The following GRTP1 variants were observed in gnomAD, a reference collection of about 807,000 sequenced individuals.
GRTP1 encodes growth hormone regulated TBC protein 1.
GRTP1 carries 56 observed loss-of-function variants against 38.1 expected under a neutral mutation model. The observed-to-expected ratio is 1.47, with a 90% CI of 1.19 to 1.84. The LOEUF is 1.84. Among genes scored for constraint, GRTP1 ranks in the 40% most tolerant of loss-of-function variants. The pLI is 0.00. For synonymous variants in GRTP1, 217 were observed against 189.5 expected (o/e 1.14, Z -1.19); for missense variants, 506 against 453.9 (o/e 1.11, Z -1.04).
In GRTP1 at chr13:113,353,497, C is replaced by A. The variant is rs115573668; in HGVS notation, c.340+1826G>T. ...CTGAGGACTGAGGCGAGGGAAAGGA[C>A]CCCAGCTGCAGAGGACGCAGCCCAC... On this transcript the variant is annotated intron_variant, in intron 3 of 7. Transcript: ENST00000375431. Among the ~76,000 whole-genome samples, 1,067 of 152,320 alleles carry A rather than the reference C, an allele frequency of 7.0e-3. 20 individuals are homozygous for A. The highest frequency in any genetic ancestry group is 0.025 in the African/African-American group (1,026 of 41,556).
chr13:113,357,034 G>A (rs747193530), intron 2 of GRTP1, among the ~76,000 whole-genome samples: 2 of 152,270 alleles, frequency 1.3e-5, no homozygotes, highest in East Asian at 1.9e-4. Context: ...CTTAAGGGCC[G>A]GGCGCAGTGG....
intron 2 of GRTP1, chr13:113,359,563 G>T (rs550620728): frequency 6.6e-6 from 1 of 152,198 alleles, no homozygotes; most frequent in Non-Finnish European, 1.5e-5. Context: ...GACAGAGCAA[G>T]ACCCTGTCTC....
Position 113,364,074 on chromosome 13 carries a change from A to G in GRTP1, c.-23T>C. 3.2e-6 allele frequency: 4 copies of G among 1,246,114 alleles called. No homozygotes were observed. The highest frequency in any genetic ancestry group is 3.7e-5 in the South Asian group (1 of 26,712). The allele number at this position is 1,246,114 out of a possible 1,614,324, so 77.2% of individuals were successfully genotyped here. ...CATGCGGGGAGGGAGGCGCGCACCG[A>G]GCGAGGCCAGCGGGTCCCAAGTTCG... On this transcript the variant is annotated 5_prime_UTR_variant, in exon 1 of 8. Coordinates refer to ENST00000375431, the MANE Select transcript of GRTP1 (RefSeq NM_024719.4).
chr13:113,355,491 G>C lies in GRTP1; in HGVS notation c.182-10C>G. 1 of 1,603,134 alleles carries C rather than the reference G, an allele frequency of 6.2e-7. No homozygotes were observed. Among genetic ancestry groups the C allele is most frequent in the Middle Eastern group, 1.7e-4 (1 of 5,838 alleles). On this transcript the variant is annotated splice_polypyrimidine_tract_variant and intron_variant, in intron 2 of 7. Coordinates refer to ENST00000375431, the MANE Select transcript of GRTP1 (RefSeq NM_024719.4). ...CGGACATAGCGCTTCACTGAAGGCC[G>C]AGAGGACGGACAGCGTGTGAGCTGG...
rs1265764210 is a variant in GRTP1, at chr13:113,346,241, G to T, written c.466-1282C>A. ...CTGTGGCTGAGAACAGACCCGGGAG[G>T]ACCTCTGTGGCCGAGAGCAGATCCG... On this transcript the variant is annotated intron_variant, in intron 4 of 7. Coordinates refer to ENST00000375431, the MANE Select transcript of GRTP1 (RefSeq NM_024719.4). Among the ~76,000 whole-genome samples, 4 of 76,318 alleles carry T rather than the reference G, an allele frequency of 5.2e-5. 1 individual carries two copies. Among genetic ancestry groups the T allele is most frequent in the African/African-American group, 2.1e-4 (4 of 18,968 alleles). 50.1% of individuals were successfully genotyped at this position (76,318 alleles called of 152,430 possible).
In GRTP1 at chr13:113,349,724, G is replaced by A. The variant is rs1187414298; in HGVS notation, c.465+1125C>T. 1.3e-5 allele frequency among the ~76,000 whole-genome samples: 2 copies of A among 152,158 alleles called. No individual in the cohort carries two copies. Among genetic ancestry groups the A allele is most frequent in the Non-Finnish European group, 2.9e-5 (2 of 68,036 alleles). ...CACGCAACGTCCACCCTTTCTCCTC[G>A]GGAGCATTCACTCTGCCAGGTGCCA... On this transcript the variant is annotated intron_variant, in intron 4 of 7. Transcript: ENST00000375431. The surrounding 1 kb of genome is among the most constrained non-coding windows in gnomAD (Gnocchi z 5.0).
chr13:113,340,152 G>A (rs1269684509), intron 5 of GRTP1, among the ~76,000 whole-genome samples: 1 of 151,108 alleles, frequency 6.6e-6, no homozygotes, highest in Non-Finnish European at 1.5e-5. Context: ...GGGACCGCAG[G>A]CATGCACCAC....
At chr13:113,345,279 A>G (rs1028847707) in intron 4 of GRTP1, among the ~76,000 whole-genome samples, 2 of 152,274 alleles carry the variant, frequency 1.3e-5, no homozygotes, top group Non-Finnish European at 2.9e-5. Flanking sequence ...TTCTAAAGAA[A>G]TTACTATATA....
intron 5 of GRTP1, among the ~76,000 whole-genome samples, chr13:113,335,431 C>A (rs928004930): frequency 1.0e-4 from 6 of 59,988 alleles, no homozygotes; most frequent in African/African-American, 5.8e-5. Flanking sequence ...TCACAAAAAA[C>A]AAAAAACAAA....
chr13:113,344,712 C>CAA (rs11444762), intron 5 of GRTP1, 151 bp downstream of exon 5: 23,222 of 182,336 alleles, frequency 0.13, 692 homozygotes, highest in South Asian at 0.17. Flanking sequence ...GACTCCGTCT[C>CAA]AAAAAAAAAA....
At chr13:113,338,437 A>G (rs564437166) in intron 5 of GRTP1, among the ~76,000 whole-genome samples, 1 of 152,250 alleles carries the variant, frequency 6.6e-6, no homozygotes, top group African/African-American at 2.4e-5. Flanking sequence ...TAAGTGACTC[A>G]TGAGCGATGA....
At chr13:113,329,784 TA>T (rs2042830587) in intron 5 of GRTP1, among the ~76,000 whole-genome samples, 1 of 152,196 alleles carries the variant, frequency 6.6e-6, no homozygotes, top group Non-Finnish European at 1.5e-5. Context: ...CCCCCACTGA[TA>T]GGGGTAGTGG....
rs569714862 is a variant in GRTP1, at chr13:113,333,783, G to A, written c.563-7692C>T. Among the ~76,000 whole-genome samples the A allele has an allele frequency of 1.3e-3, 189 of 151,176 alleles. 1 individual carries two copies. The highest frequency in any genetic ancestry group is 4.2e-3 in the African/African-American group (172 of 41,120). ...TGGGATTACAGGCGAGAGCCACCAC[G>A]CCCATCTCAGTGCCTGTACTTTATT... On this transcript the variant is annotated intron_variant, in intron 5 of 7. Transcript: ENST00000375431.
At position 113,350,032 on chromosome 13, in the gene GRTP1, C is replaced by T. The variant is rs534650258; in HGVS notation, c.465+817G>A. Among the ~76,000 whole-genome samples the T allele has an allele frequency of 7.9e-5, 12 of 152,276 alleles. No homozygotes were observed. The East Asian group carries it at 2.1e-3, about 27-fold the overall frequency. ...CAGCCGTGGGCTCCAGGCTCTCAGC[C>T]ACGGGGACTCACAGGCAGTCACGGG... On this transcript the variant is annotated intron_variant, in intron 4 of 7. Transcript: ENST00000375431.
At chr13:113,332,624 G>A (rs1043638341) in intron 5 of GRTP1, among the ~76,000 whole-genome samples, 21 of 152,312 alleles carry the variant, frequency 1.4e-4, no homozygotes, top group African/African-American at 4.6e-4. Flanking sequence ...CAAGCACTCC[G>A]TAAGGACAGT....
Position 113,346,668 on chromosome 13 carries a change from C to CAA in GRTP1, c.466-1710_466-1709insTT, listed in dbSNP as rs1353919037. Reference sequence around the variant, plus strand: ...AGCGGACCTGGGAGGACCTCTGTGGCTGAGCGGATCTGGGAGGACCTCTGT... The same window carrying CAA: ...AGCGGACCTGGGAGGACCTCTGTGGCAATGAGCGGATCTGGGAGGACCTCTGT... On this transcript the variant is annotated intron_variant, in intron 4 of 7. Coordinates refer to ENST00000375431, the MANE Select transcript of GRTP1 (RefSeq NM_024719.4). Among the ~76,000 whole-genome samples, 2 of 282 alleles carry CAA rather than the reference C, an allele frequency of 7.1e-3. 1 individual carries two copies. Among genetic ancestry groups the CAA allele is most frequent in the African/African-American group, 0.01 (2 of 198 alleles). 0.2% of individuals were successfully genotyped at this position (282 alleles called of 152,430 possible). A position where few individuals can be genotyped will look rare whatever the true frequency, so the allele number is the denominator to read the frequency against.
chr13:113,352,996 C>T (rs1048006618), intron 3 of GRTP1, among the ~76,000 whole-genome samples: 5 of 150,102 alleles, frequency 3.3e-5, no homozygotes, highest in Admixed American at 1.3e-4. Context: ...TAGGTAGGAG[C>T]CCACAGCTGA....
chr13:113,345,048 T>G (rs1268008588), intron 4 of GRTP1, 89 bp from the exon 5 acceptor site: 2 of 1,433,304 alleles, frequency 1.4e-6, no homozygotes, highest in Non-Finnish European at 1.8e-6. Context: ...CTACCCAGTT[T>G]CCATTTCTCT....
At chr13:113,336,305 T>TTTGTG (rs796682682) in intron 5 of GRTP1, among the ~76,000 whole-genome samples, 1 of 94,356 alleles carries the variant, frequency 1.1e-5, no homozygotes, top group Non-Finnish European at 2.0e-5. Context: ...GTAGTTTTTT[T>TTTGTG]TTTTTTTTTT....
Sources: allele counts gnomAD v4.1 joint callset (sites outside exome capture counted in the v4.1 genomes callset), GRCh38; gene constraint gnomAD v4.1.1; non-coding constraint Gnocchi (gnomAD v3.1); transcripts MANE v1.5; gene names NCBI Gene and HGNC (gene_info 2026-07-23, HGNC 2026-07-21).